PIGU: variants seen among roughly 807,000 people sequenced by gnomAD.
The protein encoded by PIGU is GPI-anchor transamidase component PIGU.
PIGU carries 24 observed loss-of-function variants against 49.9 expected under a neutral mutation model. That is an observed-to-expected ratio of 0.48 (90% confidence interval 0.35 to 0.68). The LOEUF (loss-of-function observed/expected upper bound fraction) is 0.68, where lower values mean the gene tolerates loss of function less well. Ranked by LOEUF, PIGU falls within the 30% of genes least tolerant of loss-of-function variation. The pLI is 0.01. For synonymous variants in PIGU, 220 were observed against 205.7 expected (o/e 1.07, Z -0.59); for missense variants, 490 against 532.6 (o/e 0.92, Z 0.79).
intron 1 of PIGU, among the ~76,000 whole-genome samples, chr20:34,671,507 C>A (rs959145610): frequency 6.6e-6 from 1 of 152,100 alleles, no homozygotes; most frequent in African/African-American, 2.4e-5. Context: ...AGGTGATCCA[C>A]CCACCTCGGC....
intron 10 of PIGU, among the ~76,000 whole-genome samples, chr20:34,581,044 A>AAAAT (rs1351402808): frequency 6.6e-6 from 1 of 152,140 alleles, no homozygotes; most frequent in Non-Finnish European, 1.5e-5. Flanking sequence ...ATTTAAATTA[A>AAAAT]AAATTCAGGT....
chr20:34,674,947 GAA>G (rs71196750), intron 1 of PIGU, among the ~76,000 whole-genome samples: 241 of 127,876 alleles, frequency 1.9e-3, no homozygotes, highest in African/African-American at 3.9e-3. Context: ...GTCTCTTGAA[GAA>G]AAAAAAAAAA....
At position 34,586,681 on chromosome 20, in the gene PIGU, G is replaced by A. The variant is rs186956108; in HGVS notation, c.783-1101C>T. Among the ~76,000 whole-genome samples the A allele has an allele frequency of 1.1e-4, 16 of 152,136 alleles. 1 individual carries two copies. The highest frequency in any genetic ancestry group is 7.7e-4 in the East Asian group (4 of 5,200). On this transcript the variant is annotated intron_variant, in intron 8 of 11. Transcript: ENST00000217446. Reference sequence around the variant, plus strand: ...AGAGCCTGGCACGCAGAGGGCATTCGGAAATGTTTATAGAATTCATGAATA... The same window carrying A: ...AGAGCCTGGCACGCAGAGGGCATTCAGAAATGTTTATAGAATTCATGAATA...
rs949390097 is a variant in PIGU at position 34,674,872 on chromosome 20, G to A, written c.130+2084C>T. Among the ~76,000 whole-genome samples the A allele has an allele frequency of 5.3e-5, 8 of 150,930 alleles. No individual in the cohort carries two copies. In the East Asian group the frequency reaches 9.8e-4, roughly 18 times the overall value. ...TGAGGAGGGAGGATGTCCTGAGCCC[G>A]AGAGGTCAAGGCTGCAGTGACCCAT... On this transcript the variant is annotated intron_variant, in intron 1 of 11. Coordinates refer to ENST00000217446, the MANE Select transcript of PIGU (RefSeq NM_080476.5).
intron 10 of PIGU, 54 bp from the exon 11 acceptor site, chr20:34,575,300 C>A: frequency 6.3e-7 from 1 of 1,583,992 alleles, no homozygotes; most frequent in Admixed American, 1.7e-5. Context: ...GGCATGCTTT[C>A]CCTGCTGCAA....
At chr20:34,635,875 CAAA>C in intron 5 of PIGU, among the ~76,000 whole-genome samples, 1 of 135,002 alleles carries the variant, frequency 7.4e-6, no homozygotes, top group African/African-American at 2.7e-5. Flanking sequence ...AGCTCAGTCT[CAAA>C]AAAAAAAAAG....
intron 4 of PIGU, among the ~76,000 whole-genome samples, chr20:34,641,367 C>A (rs950673116): frequency 9.9e-5 from 15 of 152,166 alleles, no homozygotes; most frequent in Non-Finnish European, 1.6e-4. Flanking sequence ...AGGAGCCTAG[C>A]CTCCAAATTT....
At chr20:34,676,838 G>A (rs1385788009) in intron 1 of PIGU, 118 bp downstream of exon 1, 1 of 1,294,270 alleles carries the variant, frequency 7.7e-7, no homozygotes. Context: ...AACCCCACGA[G>A]ACAGTCAGTT....
At chr20:34,656,636 G>A (rs1426707795) in intron 2 of PIGU, among the ~76,000 whole-genome samples, 2 of 151,776 alleles carry the variant, frequency 1.3e-5, no homozygotes, top group Non-Finnish European at 2.9e-5. Flanking sequence ...GGGCATGGTG[G>A]TGCACACTTG....
intron 1 of PIGU, among the ~76,000 whole-genome samples, chr20:34,669,088 T>C (rs1987221187): frequency 6.6e-6 from 1 of 151,956 alleles, no homozygotes; most frequent in Non-Finnish European, 1.5e-5. Context: ...AGTCTCCCTA[T>C]GTTGCCCAGA....
At chr20:34,666,410 T>C (rs1987092032) in intron 1 of PIGU, among the ~76,000 whole-genome samples, 1 of 151,202 alleles carries the variant, frequency 6.6e-6, no homozygotes, top group Admixed American at 6.6e-5. Context: ...ACAACTAATA[T>C]AAGAGCTAAA....
intron 7 of PIGU, among the ~76,000 whole-genome samples, chr20:34,606,132 GT>G (rs1389999034): frequency 5.3e-5 from 8 of 152,118 alleles, no homozygotes; most frequent in African/African-American, 1.7e-4. Context: ...GCAGGTGCCT[GT>G]AGTCCCAGCT....
intron 7 of PIGU, among the ~76,000 whole-genome samples, chr20:34,615,748 C>A (rs6579178): frequency 0.39 from 59,092 of 151,822 alleles, 11,954 homozygotes; most frequent in Admixed American, 0.55. Flanking sequence ...CTCAGTTATT[C>A]GACAGAAAAA....
chr20:34,659,957 T>G (rs931832988), intron 1 of PIGU, among the ~76,000 whole-genome samples: 38 of 151,306 alleles, frequency 2.5e-4, no homozygotes, highest in African/African-American at 9.0e-4. Flanking sequence ...CAGAGACCTT[T>G]GTTCACTTGT....
intron 4 of PIGU, among the ~76,000 whole-genome samples, chr20:34,639,885 C>A (rs528181100): frequency 1.8e-4 from 27 of 152,282 alleles, no homozygotes; most frequent in African/African-American, 6.3e-4. Context: ...AACCAAGGTG[C>A]TTTTATCACA....
At position 34,658,899 on chromosome 20, in the gene PIGU, G is replaced by A. The variant is rs1298661004; in HGVS notation, c.131-1655C>T. Among the ~76,000 whole-genome samples, 73 of 151,556 alleles carry A rather than the reference G, an allele frequency of 4.8e-4. 1 individual carries two copies. The highest frequency in any genetic ancestry group is 1.8e-3 in the African/African-American group (73 of 41,364). Reference sequence around the variant, plus strand: ...CGGCAGCCACCCCGTCCAGGAGGGAGGTGGGGGTCAACCCCCGCCAGGCCA... The same window carrying A: ...CGGCAGCCACCCCGTCCAGGAGGGAAGTGGGGGTCAACCCCCGCCAGGCCA... On this transcript the variant is annotated intron_variant, in intron 1 of 11. Coordinates refer to ENST00000217446, the MANE Select transcript of PIGU (RefSeq NM_080476.5).
chr20:34,565,863 C>T (rs2146690180), intron 11 of PIGU, among the ~76,000 whole-genome samples: 1 of 152,088 alleles, frequency 6.6e-6, no homozygotes, highest in East Asian at 1.9e-4. Flanking sequence ...CACAGGTGCA[C>T]ACATACACGC....
intron 11 of PIGU, among the ~76,000 whole-genome samples, chr20:34,563,010 AATC>A (rs1012170201): frequency 5.3e-5 from 8 of 152,202 alleles, no homozygotes; most frequent in African/African-American, 1.7e-4. Flanking sequence ...GTCACACAAT[AATC>A]ATCTGGACAA....
chr20:34,601,054 A>AT (rs397702829), intron 7 of PIGU, among the ~76,000 whole-genome samples: 1 of 151,418 alleles, frequency 6.6e-6, no homozygotes, highest in Non-Finnish European at 1.5e-5. Flanking sequence ...AAAAAAAAAA[A>AT]GCAGTTCTCT....
Sources: allele counts gnomAD v4.1 joint callset (sites outside exome capture counted in the v4.1 genomes callset), GRCh38; gene constraint gnomAD v4.1.1; transcripts MANE v1.5; gene names NCBI Gene and HGNC (gene_info 2026-07-23, HGNC 2026-07-21).